NRG1: variants seen among roughly 807,000 people sequenced by gnomAD.
NRG1 encodes pro-neuregulin-1, membrane-bound isoform.
NRG1 carries 18 observed loss-of-function variants against 63.8 expected under a neutral mutation model. That is an observed-to-expected ratio of 0.28 (90% confidence interval 0.19 to 0.42). The LOEUF is 0.42. Among genes scored for constraint, NRG1 ranks in the 10% least tolerant of loss-of-function variants. The pLI is 1.00. For synonymous variants in NRG1, 302 were observed against 301.3 expected, an observed-to-expected ratio of 1.00 and a Z score of -0.02; for missense variants, 762 against 814.7, an observed-to-expected ratio of 0.94 and a Z score of 0.79.
chr8:32,736,633 C>T (rs930581913), intron 6 of NRG1, among the ~76,000 whole-genome samples: 13 of 152,182 alleles, frequency 8.5e-5, no homozygotes, highest in Admixed American at 2.0e-4. Context: ...TTTCATTTTT[C>T]GACAAGGTAT....
intron 1 of NRG1, among the ~76,000 whole-genome samples, chr8:32,071,188 G>T (rs1825710197): frequency 6.6e-6 from 1 of 152,048 alleles, no homozygotes; most frequent in Non-Finnish European, 1.5e-5. Flanking sequence ...CCACCACAAA[G>T]GTAAATTCTT....
intron 1 of NRG1, among the ~76,000 whole-genome samples, chr8:32,288,840 G>A (rs1193121072): frequency 1.3e-5 from 2 of 152,104 alleles, no homozygotes; most frequent in African/African-American, 2.4e-5. Flanking sequence ...AATGTGACTC[G>A]TTTCTTTTCC....
intron 1 of NRG1, among the ~76,000 whole-genome samples, chr8:32,322,376 T>TAC (rs1162873243): frequency 1.3e-5 from 2 of 150,372 alleles, no homozygotes; most frequent in African/African-American, 2.4e-5. Context: ...TATATATATA[T>TAC]ACCCATTAAT....
chr8:32,559,841 C>CAA (rs575336896), intron 1 of NRG1, among the ~76,000 whole-genome samples: 11,793 of 126,820 alleles, frequency 0.093, 710 homozygotes, highest in Admixed American at 0.22. Context: ...CAAAAAAATA[C>CAA]AAAAAAAAAA....
intron 1 of NRG1, among the ~76,000 whole-genome samples, chr8:32,449,204 G>A (rs1820660243): frequency 6.6e-6 from 1 of 152,068 alleles, no homozygotes; most frequent in Admixed American, 6.5e-5. Context: ...GGCTGAGATG[G>A]GAGGATCACT....
At chr8:32,122,993 T>TA (rs199733460) in intron 1 of NRG1, among the ~76,000 whole-genome samples, 2,882 of 152,016 alleles carry the variant, frequency 0.019, 50 homozygotes, top group South Asian at 0.088. Context: ...TATGCAGCCG[T>TA]AAAAAATGAA....
chr8:31,784,106 A>G (rs989411474), intron 1 of NRG1, among the ~76,000 whole-genome samples: 1 of 152,198 alleles, frequency 6.6e-6, no homozygotes, highest in African/African-American at 2.4e-5. Flanking sequence ...CATCCTGCTA[A>G]TGACTGTGCT....
At chr8:32,165,050 T>C (rs1172692689) in intron 1 of NRG1, among the ~76,000 whole-genome samples, 1 of 151,240 alleles carries the variant, frequency 6.6e-6, no homozygotes, top group Non-Finnish European at 1.5e-5. Context: ...AACAAGTAAA[T>C]GGGTTAGCTT....
chr8:32,084,751 G>C (rs1827970903), intron 1 of NRG1, among the ~76,000 whole-genome samples: 1 of 152,120 alleles, frequency 6.6e-6, no homozygotes, highest in Non-Finnish European at 1.5e-5. Flanking sequence ...GACCAAGCTG[G>C]AACATGGCTG....
intron 1 of NRG1, among the ~76,000 whole-genome samples, chr8:32,211,845 A>G (rs979979589): frequency 7.9e-5 from 12 of 152,204 alleles, no homozygotes; most frequent in Middle Eastern, 6.8e-3. Flanking sequence ...TTAACTTAGG[A>G]ACCACCTCCT....
chr8:31,969,798 C>G (rs1316773802), intron 1 of NRG1, among the ~76,000 whole-genome samples: 1 of 152,080 alleles, frequency 6.6e-6, no homozygotes, highest in African/African-American at 2.4e-5. Context: ...TTTAGGATGT[C>G]TCTCTTATTT....
chr8:32,576,707 G>A (rs922515650), intron 1 of NRG1, among the ~76,000 whole-genome samples: 19 of 151,842 alleles, frequency 1.3e-4, no homozygotes, highest in African/African-American at 2.7e-4. Flanking sequence ...TATGAGAATC[G>A]CCTGCGATGC....
intron 1 of NRG1, among the ~76,000 whole-genome samples, chr8:32,422,959 T>G (rs916997934): frequency 1.9e-4 from 29 of 152,200 alleles, no homozygotes; most frequent in African/African-American, 6.8e-4. Flanking sequence ...ACTCTCTCAT[T>G]TACACTCTCC....
At chr8:31,811,350 A>G (rs567495706) in intron 1 of NRG1, among the ~76,000 whole-genome samples, 9 of 152,232 alleles carry the variant, frequency 5.9e-5, no homozygotes, top group Middle Eastern at 3.4e-3. Context: ...TTCTATTTCT[A>G]CTAAGCCCAT....
chr8:32,072,974 C>T (rs761900080), intron 1 of NRG1, among the ~76,000 whole-genome samples: 2 of 150,254 alleles, frequency 1.3e-5, no homozygotes. Flanking sequence ...AAACCAGCTT[C>T]GGTCCTAAAT....
At chr8:32,394,554 C>T (rs11784074) in intron 1 of NRG1, among the ~76,000 whole-genome samples, 40,850 of 152,042 alleles carry the variant, frequency 0.27, 5,767 homozygotes, top group Middle Eastern at 0.33. Context: ...CTCTTTCAGC[C>T]TTTTCCTTCT....
At chr8:31,815,339 C>A (rs147018848) in intron 1 of NRG1, among the ~76,000 whole-genome samples, 1 of 152,264 alleles carries the variant, frequency 6.6e-6, no homozygotes, top group Admixed American at 6.5e-5. Context: ...CGGTATCATG[C>A]AGTGGTATCT....
chr8:32,743,349 G>A (rs988861466), intron 7 of NRG1: 8 of 373,796 alleles, frequency 2.1e-5, no homozygotes, highest in South Asian at 2.2e-4. Context: ...TTCTGTTTAC[G>A]TTGCTTAGGG....
At chr8:31,680,613 G>A (rs951198158) in intron 1 of NRG1, among the ~76,000 whole-genome samples, 14 of 150,656 alleles carry the variant, frequency 9.3e-5, no homozygotes, top group Admixed American at 5.3e-4. Flanking sequence ...GTGTGCATGT[G>A]TCTTTATAGC....
Sources: gnomAD v4.1 joint callset for allele counts (sites outside exome capture counted in the v4.1 genomes callset) on GRCh38, gnomAD v4.1.1 for gene constraint, MANE v1.5 for transcripts, NCBI Gene and HGNC (gene_info 2026-07-23, HGNC 2026-07-21) for gene names.